NRG1: variants seen among roughly 807,000 people sequenced by gnomAD.
NRG1 encodes the protein pro-neuregulin-1, membrane-bound isoform.
Under a neutral mutation model 63.8 loss-of-function variants are expected in NRG1, and 18 were observed. The observed-to-expected ratio is 0.28, with a 90% CI of 0.19 to 0.42. NRG1 has a LOEUF of 0.42. NRG1 is among the 10% of genes least tolerant of loss of function. The pLI is 1.00. For synonymous variants in NRG1, 302 were observed against 301.3 expected, an observed-to-expected ratio of 1.00 and a Z score of -0.02; for missense variants, 762 against 814.7, an observed-to-expected ratio of 0.94 and a Z score of 0.79.
intron 1 of NRG1, among the ~76,000 whole-genome samples, chr8:32,203,300 C>T (rs1012497020): frequency 2.4e-4 from 35 of 148,816 alleles, no homozygotes; most frequent in Middle Eastern, 3.5e-3. Context: ...AAGGAATCTA[C>T]GGAGTGTGGA....
At chr8:31,672,826 A>G (rs1257362027) in intron 1 of NRG1, among the ~76,000 whole-genome samples, 3 of 152,168 alleles carry the variant, frequency 2.0e-5, no homozygotes, top group Non-Finnish European at 4.4e-5. Flanking sequence ...TGAGAGCAGA[A>G]ATATATCCCT....
chr8:31,644,742 A>G (rs2130848128), intron 1 of NRG1, among the ~76,000 whole-genome samples: 1 of 152,188 alleles, frequency 6.6e-6, no homozygotes, highest in Middle Eastern at 3.4e-3. Context: ...TATAAACATA[A>G]TGTCTTTTAC....
chr8:32,082,585 A>G (rs1412877882), intron 1 of NRG1, among the ~76,000 whole-genome samples: 1 of 152,188 alleles, frequency 6.6e-6, no homozygotes. Flanking sequence ...TTGAGGTTCA[A>G]GAACAACAGA....
chr8:31,973,059 C>T (rs1807565722), intron 1 of NRG1, among the ~76,000 whole-genome samples: 2 of 152,152 alleles, frequency 1.3e-5, no homozygotes, highest in Non-Finnish European at 2.9e-5. Context: ...CAGTTCCCCT[C>T]TTCCCATTCT....
chr8:32,153,121 A>C (rs1205281881), intron 1 of NRG1, among the ~76,000 whole-genome samples: 4 of 152,174 alleles, frequency 2.6e-5, no homozygotes, highest in Non-Finnish European at 4.4e-5. Flanking sequence ...CAGTGGGGCC[A>C]AATTGTGGCT....
chr8:32,609,464 G>A (rs553673053), intron 3 of NRG1, among the ~76,000 whole-genome samples: 101 of 151,778 alleles, frequency 6.7e-4, no homozygotes, highest in African/African-American at 2.3e-3. Flanking sequence ...ATAAATTGCC[G>A]CACCACTGAA....
chr8:32,032,721 G>A (rs908074517), intron 1 of NRG1, among the ~76,000 whole-genome samples: 1 of 152,148 alleles, frequency 6.6e-6, no homozygotes, highest in African/African-American at 2.4e-5. Context: ...CCACTGTGTA[G>A]GTTACCTGTT....
chr8:31,810,128 A>G (rs1347491361), intron 1 of NRG1, among the ~76,000 whole-genome samples: 1 of 152,006 alleles, frequency 6.6e-6, no homozygotes, highest in African/African-American at 2.4e-5. Flanking sequence ...ACTTGTGCTC[A>G]CTTTTATGTC....
At chr8:32,072,486 T>C (rs1825899153) in intron 1 of NRG1, among the ~76,000 whole-genome samples, 1 of 152,090 alleles carries the variant, frequency 6.6e-6, no homozygotes, top group Non-Finnish European at 1.5e-5. Context: ...AGAAAACAAA[T>C]GTTTCCAGTT....
intron 1 of NRG1, among the ~76,000 whole-genome samples, chr8:32,245,261 C>G (rs970976138): frequency 6.6e-6 from 1 of 151,978 alleles, no homozygotes; most frequent in African/African-American, 2.4e-5. Context: ...GGAATCTGGG[C>G]AATCAGATGT....
At chr8:32,745,808 G>A (rs932770215) in intron 7 of NRG1, among the ~76,000 whole-genome samples, 4 of 151,816 alleles carry the variant, frequency 2.6e-5, no homozygotes, top group African/African-American at 9.7e-5. Context: ...GTACAGAGCA[G>A]GTATGTCATA....
intron 1 of NRG1, among the ~76,000 whole-genome samples, chr8:31,682,053 T>C (rs1808393914): frequency 1.3e-5 from 2 of 152,182 alleles, no homozygotes; most frequent in East Asian, 1.9e-4. Flanking sequence ...TCTGTCATTG[T>C]AGATTCCTAT....
intron 5 of NRG1, among the ~76,000 whole-genome samples, chr8:32,719,438 C>G (rs1195814236): frequency 6.6e-6 from 1 of 151,888 alleles, no homozygotes; most frequent in Non-Finnish European, 1.5e-5. Context: ...ATAGCAAATC[C>G]CAGACATCTT....
chr8:31,647,764 G>A (rs1804430411), intron 1 of NRG1, among the ~76,000 whole-genome samples: 1 of 152,146 alleles, frequency 6.6e-6, no homozygotes. Context: ...TTCCTCTGTT[G>A]TCTTCATTCC....
At position 32,606,747 on chromosome 8, in the gene NRG1, C is replaced by T. The variant is rs180707652; in HGVS notation, c.400+1064C>T. 1.4e-3 allele frequency among the ~76,000 whole-genome samples: 206 copies of T among 152,224 alleles called. 1 individual carries two copies. Among genetic ancestry groups the T allele is most frequent in the African/African-American group, 4.5e-3 (187 of 41,552 alleles). On this transcript the variant is annotated intron_variant, in intron 3 of 11. Coordinates refer to ENST00000356819, the Ensembl canonical transcript of NRG1. Reference sequence around the variant, plus strand: ...ATATAACCAAGCCTAATTGCATCTTCTTGGTAGGAGATGAGAAAGATTCTG... The same window carrying T: ...ATATAACCAAGCCTAATTGCATCTTTTTGGTAGGAGATGAGAAAGATTCTG...
chr8:32,432,535 A>G (rs1407945240), intron 1 of NRG1, among the ~76,000 whole-genome samples: 1 of 152,212 alleles, frequency 6.6e-6, no homozygotes, highest in Admixed American at 6.5e-5. Flanking sequence ...TATTTTTGAG[A>G]CAGAGTCTCA....
Position 32,077,200 on chromosome 8 carries a change from C to T in NRG1, c.37+437769C>T, listed in dbSNP as rs373285377. On this transcript the variant is annotated intron_variant, in intron 1 of 10. Transcript: ENST00000519301. ...TGGCCAACATGGTGAAACCCCGTCT[C>T]TACTAAAACTACAAAAATTAGCTGG... Among the ~76,000 whole-genome samples, 9 of 152,262 alleles carry T rather than the reference C, an allele frequency of 5.9e-5. 1 individual carries two copies. In the East Asian group the frequency reaches 1.7e-3, roughly 29 times the overall value.
intron 1 of NRG1, among the ~76,000 whole-genome samples, chr8:31,921,115 C>T (rs961221982): frequency 6.6e-6 from 1 of 152,080 alleles, no homozygotes; most frequent in East Asian, 1.9e-4. Context: ...ATATGCAATA[C>T]CTTCCTACTG....
At chr8:32,692,952 T>C (rs1313344241) in intron 5 of NRG1, among the ~76,000 whole-genome samples, 1 of 152,168 alleles carries the variant, frequency 6.6e-6, no homozygotes, top group Admixed American at 6.5e-5. Context: ...ATTACTACAC[T>C]TATCAGGGTT....
Sources: allele counts gnomAD v4.1 joint callset (sites outside exome capture counted in the v4.1 genomes callset), GRCh38; gene constraint gnomAD v4.1.1; transcripts MANE v1.5; gene names NCBI Gene and HGNC (gene_info 2026-07-23, HGNC 2026-07-21).